ZNF540: variants seen among roughly 807,000 people sequenced by gnomAD.
The protein encoded by ZNF540 is zinc finger protein 540, also known as CTD-3064H18.6.
A neutral mutation model predicts 11.8 loss-of-function variants in ZNF540; 3 were observed. The observed-to-expected ratio is 0.25, with a 90% confidence interval of 0.12 to 0.65. The LOEUF is 0.65. ZNF540 is among the 30% of genes least tolerant of loss of function. The probability of loss-of-function intolerance (pLI) is 0.83; values close to 1 mark genes in which losing one functional copy is unlikely to be tolerated. For synonymous variants in ZNF540, 247 were observed against 259.0 expected (o/e 0.95, Z 0.45); for missense variants, 709 against 793.1 (o/e 0.89, Z 1.27).
chr19:37,612,032 C>A lies in ZNF540; in HGVS notation c.752C>A (p.Thr251Asn). The change falls in exon 5 of 5, where the codon ACC becomes AAC. Residue 251 changes from threonine (T) to asparagine (N), a missense_variant. Thr to Asn is a moderately conservative substitution (Grantham distance 65, BLOSUM62 0). Transcript: ENST00000316433. ...TATGAATGTCAAGAATGTGGGAAGA[C>A]CTTTACTCTTTACCCACAACTTAAT... ...KPYECQECGK[T>N]FTLYPQLNRH... The A allele has an allele frequency of 6.2e-7, 1 of 1,613,390 alleles. No homozygotes were observed. Among genetic ancestry groups the A allele is most frequent in the Non-Finnish European group, 8.5e-7 (1 of 1,179,852 alleles).
At chr19:37,566,577 C>G in intron 1 of ZNF540, 1 of 267,376 alleles carries the variant, frequency 3.7e-6, no homozygotes, top group African/African-American at 2.2e-5. Context: ...TAAAAACACC[C>G]TCTTGAAAAC....
chr19:37,598,364 C>A lies in ZNF540; in HGVS notation c.-72-12C>A, dbSNP rs2044012178. On this transcript the variant is annotated splice_polypyrimidine_tract_variant and intron_variant, in intron 1 of 4. Transcript: ENST00000316433. ...TAGTCTCACTGTCTCATTTTTTTCTCCTCTAACTCAGGCTTCTCAGAACTT... is the reference window on the plus strand; with the variant it reads ...TAGTCTCACTGTCTCATTTTTTTCTACTCTAACTCAGGCTTCTCAGAACTT... The A allele has an allele frequency of 1.4e-6, 2 of 1,450,090 alleles. No homozygotes were observed. Among genetic ancestry groups the A allele is most frequent in the South Asian group, 2.4e-5 (2 of 83,178 alleles). The allele number at this position is 1,450,090 out of a possible 1,614,324, so 89.8% of individuals were successfully genotyped here. A position where few individuals can be genotyped will look rare whatever the true frequency, so the allele number is the denominator to read the frequency against.
intron 1 of ZNF540, chr19:37,564,042 G>C (rs2042764951): frequency 6.6e-6 from 1 of 152,212 alleles, no homozygotes; most frequent in South Asian, 2.1e-4. Context: ...GTTTCTTCCT[G>C]GTGTGGATTA....
intron 1 of ZNF540, among the ~76,000 whole-genome samples, chr19:37,571,243 A>G (rs1469466865): frequency 6.6e-6 from 1 of 152,138 alleles, no homozygotes; most frequent in Non-Finnish European, 1.5e-5. Context: ...CATGCCTGTA[A>G]TCCCAGCATG....
chr19:37,565,759 A>G (rs1347762479), intron 1 of ZNF540: 3 of 1,613,630 alleles, frequency 1.9e-6, no homozygotes, highest in African/African-American at 1.3e-5. Context: ...CGTTACACTG[A>G]TAAGGTTTTT....
chr19:37,563,942 T>C (rs2042763067), intron 1 of ZNF540: 1 of 152,194 alleles, frequency 6.6e-6, no homozygotes, highest in Non-Finnish European at 1.5e-5. Context: ...CAAAAACTTT[T>C]GCTTTTGGAA....
intron 1 of ZNF540, chr19:37,584,271 C>A (rs1025015942): frequency 3.1e-5 from 23 of 748,854 alleles, no homozygotes; most frequent in Non-Finnish European, 4.4e-5. Context: ...ACAGATAAAA[C>A]TTCCTCTGTA....
intron 4 of ZNF540, among the ~76,000 whole-genome samples, chr19:37,608,054 T>G (rs2044098233): frequency 1.3e-5 from 2 of 152,226 alleles, no homozygotes. Context: ...TTCTCTGACA[T>G]TCCTGATCTC....
intron 1 of ZNF540, among the ~76,000 whole-genome samples, chr19:37,574,887 G>A (rs372533546): frequency 6.6e-6 from 1 of 152,184 alleles, no homozygotes; most frequent in African/African-American, 2.4e-5. Flanking sequence ...CCACAGCCAT[G>A]AGTCGGCCTT....
intron 1 of ZNF540, chr19:37,587,069 C>T (rs1239226415): frequency 1.1e-5 from 2 of 189,580 alleles, no homozygotes; most frequent in Admixed American, 1.2e-4. Context: ...TAGGAAGGGG[C>T]TTCAGAGACC....
At chr19:37,565,866 T>C in intron 1 of ZNF540, 1 of 1,613,932 alleles carries the variant, frequency 6.2e-7, no homozygotes, top group South Asian at 1.1e-5. Flanking sequence ...CCAGTCTGAA[T>C]TCTCTGATGT....
At chr19:37,587,682 C>T (rs2043723146) in intron 1 of ZNF540, among the ~76,000 whole-genome samples, 1 of 151,960 alleles carries the variant, frequency 6.6e-6, no homozygotes, top group African/African-American at 2.4e-5. Flanking sequence ...CAAGAAAACC[C>T]AGTAAGAGAG....
chr19:37,553,271 T>C (rs1187611324), intron 1 of ZNF540, among the ~76,000 whole-genome samples: 1 of 151,342 alleles, frequency 6.6e-6, no homozygotes, highest in Non-Finnish European at 1.5e-5. Flanking sequence ...GTAGCTGGGT[T>C]ACAGGTGCCC....
intron 4 of ZNF540, among the ~76,000 whole-genome samples, chr19:37,603,369 A>G (rs2044055816): frequency 6.6e-6 from 1 of 152,184 alleles, no homozygotes; most frequent in Non-Finnish European, 1.5e-5. Flanking sequence ...ATTGTAGTAG[A>G]GGGAAGGATA....
At chr19:37,592,907 G>A (rs1457524436), upstream of ZNF540, among the ~76,000 whole-genome samples, 1 of 152,162 alleles carries the variant, frequency 6.6e-6, no homozygotes, top group Non-Finnish European at 1.5e-5. Context: ...CAAAACACAG[G>A]AGGGAAACTA....
intron 1 of ZNF540, among the ~76,000 whole-genome samples, chr19:37,575,248 CTAG>C (rs1331297588): frequency 6.6e-6 from 1 of 152,100 alleles, no homozygotes; most frequent in Non-Finnish European, 1.5e-5. Context: ...TAATAATGTA[CTAG>C]TACTATTATG....
Position 37,611,850 on chromosome 19 carries a change from A to G in ZNF540, c.570A>G (p.Lys190=), listed in dbSNP as rs746377169. The G allele has an allele frequency of 6.2e-7, 1 of 1,613,982 alleles. No homozygotes were observed. Among genetic ancestry groups the G allele is most frequent in the East Asian group, 2.2e-5 (1 of 44,828 alleles). ...KIDSDVKHDC[K]ECGSTFNNVY... ...ATTCTGATGTGAAACATGATTGTAAAGAATGTGGGAGTACTTTTAATAATG... is the reference window on the plus strand; with the variant it reads ...ATTCTGATGTGAAACATGATTGTAAGGAATGTGGGAGTACTTTTAATAATG... Residue 190 remains lysine, a synonymous_variant, in exon 5 of 5, where the codon AAA becomes AAG. Transcript: ENST00000316433.
Position 37,569,529 on chromosome 19 carries a change from A to G in ZNF540, c.-73+17864A>G, listed in dbSNP as rs1288609671. On this transcript the variant is annotated intron_variant, in intron 1 of 4. Transcript: ENST00000592533. The surrounding 1 kb of genome is among the most constrained non-coding windows in gnomAD (Gnocchi z 4.4). ...CATAAAACAAGGATGTCATAAAATTATCTTTGCTATATGTATTATATATTC... is the reference window on the plus strand; with the variant it reads ...CATAAAACAAGGATGTCATAAAATTGTCTTTGCTATATGTATTATATATTC... Among the ~76,000 whole-genome samples, 1 of 152,228 alleles carries G rather than the reference A, an allele frequency of 6.6e-6. No homozygotes were observed. The highest frequency in any genetic ancestry group is 1.5e-5 in the Non-Finnish European group (1 of 68,044).
At chr19:37,602,167 A>G (rs1461969164) in intron 4 of ZNF540, among the ~76,000 whole-genome samples, 1 of 152,176 alleles carries the variant, frequency 6.6e-6, no homozygotes. Context: ...CAGACATGCC[A>G]TGGGGTATGA....
Sources: allele counts gnomAD v4.1 joint callset (sites outside exome capture counted in the v4.1 genomes callset), GRCh38; gene constraint gnomAD v4.1.1; non-coding constraint Gnocchi (gnomAD v3.1); transcripts MANE v1.5; gene names NCBI Gene and HGNC (gene_info 2026-07-23, HGNC 2026-07-21).